PPP2R5C: variants seen among roughly 807,000 people sequenced by gnomAD.
The protein encoded by PPP2R5C is serine/threonine-protein phosphatase 2A 56 kDa regulatory subunit gamma isoform.
A neutral mutation model predicts 68.9 loss-of-function variants in PPP2R5C; 7 were observed. The observed-to-expected ratio is 0.10, with a 90% CI of 0.06 to 0.19. The LOEUF (loss-of-function observed/expected upper bound fraction) is 0.19, where lower values mean the gene tolerates loss of function less well. Ranked by LOEUF, PPP2R5C falls within the 10% of genes least tolerant of loss-of-function variation. PPP2R5C has a pLI of 1.00. For synonymous variants in PPP2R5C, 210 were observed against 222.2 expected (o/e 0.95, Z 0.49); for missense variants, 348 against 641.3 (o/e 0.54, Z 4.94).
intron 2 of PPP2R5C, among the ~76,000 whole-genome samples, chr14:101,772,547 C>T (rs1420160945): frequency 2.0e-5 from 3 of 152,116 alleles, no homozygotes; most frequent in African/African-American, 7.2e-5. Context: ...GTAATCCTGG[C>T]ACTTTGGGAG....
chr14:101,824,004 G>T, intron 1 of PPP2R5C: 1 of 1,289,150 alleles, frequency 7.8e-7, no homozygotes, highest in Non-Finnish European at 1.0e-6. Flanking sequence ...GCCTTACATT[G>T]TCTCACTAGG....
Position 101,835,688 on chromosome 14 carries a change from C to T in PPP2R5C, c.95-20998C>T, listed in dbSNP as rs1435691972. On this transcript the variant is annotated intron_variant, in intron 1 of 13. Transcript: ENST00000334743. This position sits in a 1 kb window ranked among gnomAD's most constrained non-coding sequence, Gnocchi z 5.0. ...ACACAGTCTTCATCTTGAGCAGGAACGGTGAGACCACTCTTCTCCCTGTAA... is the reference window on the plus strand; with the variant it reads ...ACACAGTCTTCATCTTGAGCAGGAATGGTGAGACCACTCTTCTCCCTGTAA... 2.0e-5 allele frequency among the ~76,000 whole-genome samples: 3 copies of T among 152,236 alleles called. No homozygotes were observed. Among genetic ancestry groups the T allele is most frequent in the African/African-American group, 4.8e-5 (2 of 41,466 alleles).
Position 101,906,683 on chromosome 14 carries a change from G to A in PPP2R5C, c.1151+154G>A. 1 of 1,057,004 alleles carries A rather than the reference G, an allele frequency of 9.5e-7. No homozygotes were observed. Among genetic ancestry groups the A allele is most frequent in the Non-Finnish European group, 1.3e-6 (1 of 753,866 alleles). 65.5% of individuals were successfully genotyped at this position (1,057,004 alleles called of 1,614,324 possible). On this transcript the variant is annotated intron_variant, in intron 10 of 13. Coordinates refer to ENST00000334743, the Ensembl canonical transcript of PPP2R5C. This position sits in a 1 kb window ranked among gnomAD's most constrained non-coding sequence, Gnocchi z 4.0. ...GGACTCATAAATTAAGTAGCAGCGT[G>A]GGTTGTTTCTGTGGCCGTTGAATTT...
intron 1 of PPP2R5C, among the ~76,000 whole-genome samples, chr14:101,855,368 G>C (rs2042359378): frequency 6.6e-6 from 1 of 152,188 alleles, no homozygotes; most frequent in Non-Finnish European, 1.5e-5. Flanking sequence ...AAACGTGGTT[G>C]GGAAGGGAGG....
chr14:101,865,784 G>A (rs1360443175), intron 2 of PPP2R5C, among the ~76,000 whole-genome samples: 1 of 152,176 alleles, frequency 6.6e-6, no homozygotes, highest in African/African-American at 2.4e-5. Context: ...GCCAGAAAGA[G>A]ACAAGCCTCC....
At chr14:101,904,134 A>T (rs558908319) in intron 9 of PPP2R5C, among the ~76,000 whole-genome samples, 1 of 152,044 alleles carries the variant, frequency 6.6e-6, no homozygotes, top group African/African-American at 2.4e-5. Context: ...GGGTGGGTGG[A>T]TGGATGGATG....
chr14:101,911,629 T>TCCCA, intron 11 of PPP2R5C, among the ~76,000 whole-genome samples: 1 of 152,254 alleles, frequency 6.6e-6, no homozygotes, highest in East Asian at 1.9e-4. Flanking sequence ...ACACCTGTAA[T>TCCCA]CCCAGCACTT....
Position 101,764,030 on chromosome 14 carries a change from G to GTGTGTGTGTGTGTGTGTGT in PPP2R5C, c.93+1060_93+1061insTGTGTGTGTGTGTGTGTGT, listed in dbSNP as rs1462659583. The stretch of plus-strand genomic sequence containing the variant: ...GTGTGTGTGTGTGTGTGTGTGTGTG[G>GTGTGTGTGTGTGTGTGTGT]GCGCGCGCACTTGCGCGTCGGCCAC... On this transcript the variant is annotated intron_variant, in intron 2 of 14. Coordinates refer to the PPP2R5C transcript ENST00000328724. 1.1e-3 allele frequency among the ~76,000 whole-genome samples: 157 copies of GTGTGTGTGTGTGTGTGTGT among 146,228 alleles called. 1 individual carries two copies. The highest frequency in any genetic ancestry group is 3.7e-3 in the African/African-American group (146 of 39,390).
chr14:101,835,516 T>C lies in PPP2R5C; in HGVS notation c.95-21170T>C, dbSNP rs2041029965. 6.6e-6 allele frequency among the ~76,000 whole-genome samples: 1 copy of C among 152,248 alleles called. No homozygotes were observed. The highest frequency in any genetic ancestry group is 6.5e-5 in the Admixed American group (1 of 15,286). On this transcript the variant is annotated intron_variant, in intron 1 of 13. Transcript: ENST00000334743. This position sits in a 1 kb window ranked among gnomAD's most constrained non-coding sequence, Gnocchi z 5.0. ...AGAGGGCTCCTTCCCACTTGTCATCTGTAATACTGGCTAATGGGAAACCTG... is the reference window on the plus strand; with the variant it reads ...AGAGGGCTCCTTCCCACTTGTCATCCGTAATACTGGCTAATGGGAAACCTG...
intron 1 of PPP2R5C, among the ~76,000 whole-genome samples, chr14:101,852,538 A>G (rs1471890946): frequency 1.5e-5 from 2 of 135,108 alleles, no homozygotes; most frequent in African/African-American, 5.6e-5. Flanking sequence ...GTGTGATCTC[A>G]GTTCACTGCA....
chr14:101,858,989 T>C (rs2042599171), intron 2 of PPP2R5C, among the ~76,000 whole-genome samples: 1 of 152,210 alleles, frequency 6.6e-6, no homozygotes, highest in Admixed American at 6.5e-5. Context: ...CCTCTCCCTG[T>C]CATAATTGTT....
intron 1 of PPP2R5C, among the ~76,000 whole-genome samples, chr14:101,847,640 G>T (rs1370663747): frequency 6.6e-6 from 1 of 150,702 alleles, no homozygotes; most frequent in Non-Finnish European, 1.5e-5. Flanking sequence ...GATGCAGGCT[G>T]TGTCCTCATG....
At chr14:101,809,683 G>A, upstream of PPP2R5C, 1 of 480,786 alleles carries the variant, frequency 2.1e-6, no homozygotes, top group Non-Finnish European at 3.2e-6. Context: ...GAGAAACGAA[G>A]GCTGCAAAAA....
chr14:101,827,641 G>A (rs377565428), intron 1 of PPP2R5C, among the ~76,000 whole-genome samples: 25 of 152,268 alleles, frequency 1.6e-4, no homozygotes, highest in African/African-American at 4.6e-4. Context: ...AATTTTGGTC[G>A]TCAAAAAGAT....
intron 9 of PPP2R5C, among the ~76,000 whole-genome samples, chr14:101,905,934 T>C (rs1006090001): frequency 6.6e-6 from 1 of 152,170 alleles, no homozygotes; most frequent in Non-Finnish European, 1.5e-5. Context: ...ATGTGACTTA[T>C]CGTTTCTAGT....
At chr14:101,881,129 C>G (rs1484682475) in intron 2 of PPP2R5C, among the ~76,000 whole-genome samples, 1 of 152,120 alleles carries the variant, frequency 6.6e-6, no homozygotes, top group East Asian at 1.9e-4. Context: ...TGACTCACGC[C>G]TGTAATCCCA....
At chr14:101,824,407 A>G (rs536999191) in intron 1 of PPP2R5C, 21 of 215,628 alleles carry the variant, frequency 9.7e-5, no homozygotes, top group Non-Finnish European at 1.9e-4. Context: ...GATGTTTACA[A>G]TGTAGTGAAA....
At chr14:101,798,277 G>A (rs1295715240) in intron 3 of PPP2R5C, among the ~76,000 whole-genome samples, 1 of 152,066 alleles carries the variant, frequency 6.6e-6, no homozygotes, top group East Asian at 1.9e-4. Context: ...TAAAATAGAA[G>A]CATATTTAAT....
chr14:101,847,996 A>T (rs1232650366), intron 1 of PPP2R5C, among the ~76,000 whole-genome samples: 1 of 152,094 alleles, frequency 6.6e-6, no homozygotes, highest in East Asian at 1.9e-4. Context: ...TTGAGACTTT[A>T]GTTCTTATAT....
Sources: allele counts gnomAD v4.1 joint callset (sites outside exome capture counted in the v4.1 genomes callset), GRCh38; gene constraint gnomAD v4.1.1; non-coding constraint Gnocchi (gnomAD v3.1); transcripts MANE v1.5; gene names NCBI Gene and HGNC (gene_info 2026-07-23, HGNC 2026-07-21).